DDX25: variants seen among roughly 807,000 people sequenced by gnomAD.
DDX25 encodes ATP-dependent RNA helicase DDX25.
DDX25 carries 70 observed loss-of-function variants against 64.6 expected under a neutral mutation model. The observed-to-expected ratio is 1.08, with a 90% CI of 0.89 to 1.32. DDX25 has a LOEUF of 1.32. Ranked by LOEUF, DDX25 falls within the 40% of genes most tolerant of loss-of-function variation. The pLI, the probability that DDX25 is intolerant of heterozygous loss-of-function variation, is 0.00. For synonymous variants in DDX25, 211 were observed against 213.3 expected, an observed-to-expected ratio of 0.99 and a Z score of 0.09; for missense variants, 587 against 604.4, an observed-to-expected ratio of 0.97 and a Z score of 0.30.
Position 125,921,457 on chromosome 11 carries a change from T to C in DDX25, c.1390+78T>C. 1 of 1,497,570 alleles carries C rather than the reference T, an allele frequency of 6.7e-7. No homozygotes were observed. Among genetic ancestry groups the C allele is most frequent in the Non-Finnish European group, 9.0e-7 (1 of 1,115,064 alleles). The allele number at this position is 1,497,570 out of a possible 1,614,324, so 92.8% of individuals were successfully genotyped here. On this transcript the variant is annotated intron_variant, in intron 11 of 11. Coordinates refer to ENST00000263576, the MANE Select transcript of DDX25 (RefSeq NM_013264.5). The surrounding 1 kb of genome is among the most constrained non-coding windows in gnomAD (Gnocchi z 4.1). ...GATGATGTGTGCTGGAGAGCTGGAG[T>C]CCAGGGGCTCATGAGAGTAGTAGAA...
In DDX25 at chr11:125,924,120, C is replaced by T. The variant is rs1438273629; in HGVS notation, c.*1239C>T. ...TCTCTACTAAAAATATAAAAATTAG[C>T]TGGGCGTGGTGGTACGCGTGCCTGT... On this transcript the variant is annotated 3_prime_UTR_variant, in exon 12 of 12. Transcript: ENST00000263576. 3 of 151,926 alleles carry T rather than the reference C, an allele frequency of 2.0e-5. No homozygotes were observed. Among genetic ancestry groups the T allele is most frequent in the South Asian group, 4.1e-4 (2 of 4,826 alleles). The allele number at this position is 151,926 out of a possible 1,614,324, so 9.4% of individuals were successfully genotyped here. A position where few individuals can be genotyped will look rare whatever the true frequency, so the allele number is the denominator to read the frequency against.
rs1170304803 is a variant in DDX25 at position 125,926,476 on chromosome 11, G to A, written c.*3595G>A. On this transcript the variant is annotated 3_prime_UTR_variant, in exon 12 of 12. Transcript: ENST00000263576. ...TTTTTGCCCTAGAAAGCATCCAAGA[G>A]GCACTCAACCCCAACATTTTCTATA... 3.3e-5 allele frequency: 5 copies of A among 152,038 alleles called. No homozygotes were observed. The highest frequency in any genetic ancestry group is 2.6e-4 in the Admixed American group (4 of 15,278). The allele number at this position is 152,038 out of a possible 1,614,324, so 9.4% of individuals were successfully genotyped here. A position where few individuals can be genotyped will look rare whatever the true frequency, so the allele number is the denominator to read the frequency against.
rs181093713 is a variant in DDX25, at chr11:125,905,121, C to G, written c.64-91C>G. 6.2e-4 allele frequency: 764 copies of G among 1,222,596 alleles called. 1 individual carries two copies. Among genetic ancestry groups the G allele is most frequent in the South Asian group, 1.1e-3 (83 of 75,650 alleles). The allele number at this position is 1,222,596 out of a possible 1,614,324, so 75.7% of individuals were successfully genotyped here. The stretch of plus-strand genomic sequence containing the variant: ...GGAAGCAATACCCGGGTGTCCTTCC[C>G]TGAATCCCTCCCAGCCCCTGTGGTA... On this transcript the variant is annotated intron_variant, in intron 1 of 11. Coordinates refer to ENST00000263576, the MANE Select transcript of DDX25 (RefSeq NM_013264.5).
Position 125,910,475 on chromosome 11 carries a change from C to T in DDX25, c.619C>T (p.Arg207Ter), listed in dbSNP as rs755702115. Residue 207 changes from arginine (R) to a stop codon, truncating the protein, a stop_gained, in exon 7 of 12, where the codon CGA becomes TGA. Transcript: ENST00000263576. LOFTEE classifies it high-confidence loss of function. ...VQVMYAIRGN[R>*]IPRGTDITKQ... ...AGTGATGTATGCCATTCGAGGGAAT[C>T]GAAGTATGTACCAGTAAGCCAGTCC... 6 of 1,613,608 alleles carry T rather than the reference C, an allele frequency of 3.7e-6. 1 individual carries two copies. The Admixed American group carries it at 5.0e-5, about 13-fold the overall frequency.
At chr11:125,904,414 GA>G (rs1944845084), upstream of DDX25, 5 of 1,147,922 alleles carry the variant, frequency 4.4e-6, no homozygotes, top group Non-Finnish European at 5.6e-6. Context: ...CGCGGACGCG[GA>G]CGCCTGCCCC....
At position 125,908,248 on chromosome 11, in the gene DDX25, A is replaced by C; in HGVS notation, c.364A>C (p.Lys122Gln). Residue 122 changes from lysine (K) to glutamine (Q), a missense_variant, in exon 5 of 12, where the codon AAA (lysine) becomes CAA (glutamine). Physicochemically the swap from Lys to Gln is moderately conservative, Grantham distance 53. Transcript: ENST00000263576. ...TGCAATGGGATTTAATAGGCCATCT[A>C]AAATCCAAGAGATGGCTCTCCCTAT... ...IYAMGFNRPS[K>Q]IQEMALPMML... 1 of 1,613,482 alleles carries C rather than the reference A, an allele frequency of 6.2e-7. No individual in the cohort carries two copies. Among genetic ancestry groups the C allele is most frequent in the Non-Finnish European group, 8.5e-7 (1 of 1,179,622 alleles).
Position 125,921,096 on chromosome 11 carries a change from C to G in DDX25, c.1202-95C>G. The stretch of plus-strand genomic sequence containing the variant: ...CCCTGGTTGGATTTCTAAATTTTCT[C>G]TATAAATAGGAATTCCCTTGGCAGA... On this transcript the variant is annotated intron_variant, in intron 10 of 11. Transcript: ENST00000263576. The surrounding 1 kb of genome is among the most constrained non-coding windows in gnomAD (Gnocchi z 4.1). The G allele has an allele frequency of 7.7e-7, 1 of 1,297,606 alleles. No homozygotes were observed. Among genetic ancestry groups the G allele is most frequent in the Non-Finnish European group, 1.0e-6 (1 of 971,442 alleles). 80.4% of individuals were successfully genotyped at this position (1,297,606 alleles called of 1,614,324 possible).
At chr11:125,918,889 A>G (rs1945076397) in intron 10 of DDX25, 99 bp downstream of exon 10, 5 of 1,330,438 alleles carry the variant, frequency 3.8e-6, no homozygotes, top group Admixed American at 5.1e-5. Context: ...ACATGCAATC[A>G]TGCAGCTATC....
rs1944872646 is a variant in DDX25 at position 125,905,590 on chromosome 11, A to T, written c.168A>T (p.Glu56Asp). ...SINNINEDDE[E>D]DVVDLAANSL... ...ATAACATCAATGAAGATGATGAAGA[A>T]GATGTAGGTAGGAGATGAATTCATT... is the stretch of plus-strand genomic sequence containing the variant. Residue 56 changes from glutamate to aspartate, a missense_variant, in exon 3 of 12, where the codon GAA (glutamate) becomes GAT (aspartate). Glu to Asp is a conservative substitution (Grantham distance 45, BLOSUM62 2). Coordinates refer to ENST00000263576, the MANE Select transcript of DDX25 (RefSeq NM_013264.5). 1.0e-5 allele frequency: 16 copies of T among 1,551,636 alleles called. No individual in the cohort carries two copies. The highest frequency in any genetic ancestry group is 4.9e-5 in the East Asian group (2 of 40,908).
At chr11:125,910,248 C>G in intron 6 of DDX25, 116 bp from the exon 7 acceptor site, 1 of 785,796 alleles carries the variant, frequency 1.3e-6, no homozygotes, top group South Asian at 1.7e-5. Context: ...TTTCATTCAA[C>G]CAAAACCTTC....
chr11:125,921,325 A>C lies in DDX25; in HGVS notation c.1336A>C (p.Asn446His). The C allele has an allele frequency of 6.2e-7, 1 of 1,613,924 alleles. No homozygotes were observed. Among genetic ancestry groups the C allele is most frequent in the Non-Finnish European group, 8.5e-7 (1 of 1,179,872 alleles). Residue 446 changes from asparagine (N) to histidine (H), a missense_variant, in exon 11 of 12, where the codon AAC (asparagine) becomes CAC (histidine). Physicochemically the swap from Asn to His is moderately conservative, Grantham distance 68. Transcript: ENST00000263576. This position sits in a 1 kb window ranked among gnomAD's most constrained non-coding sequence, Gnocchi z 4.1. Reference protein sequence around the residue: ...GRFGKKGLAFNMIEVDELPSL... With the variant: ...GRFGKKGLAFHMIEVDELPSL... ...CTTTGGGAAAAAAGGCCTTGCCTTC[A>C]ACATGATTGAAGTAGATGAGCTGCC...
intron 10 of DDX25, chr11:125,920,921 C>CAT (rs1945103846): frequency 1.5e-5 from 1 of 67,238 alleles, no homozygotes; most frequent in Non-Finnish European, 3.4e-5. Context: ...CACACACATA[C>CAT]ACACACACAC....
Position 125,906,823 on chromosome 11 carries a change from CA to C in DDX25, c.311+631del, listed in dbSNP as rs548482997. 1.0e-3 allele frequency among the ~76,000 whole-genome samples: 117 copies of C among 111,944 alleles called. 1 individual carries two copies. Among genetic ancestry groups the C allele is most frequent in the South Asian group, 8.9e-3 (28 of 3,134 alleles). The allele number at this position is 111,944 out of a possible 152,430, so 73.4% of individuals were successfully genotyped here. A position where few individuals can be genotyped will look rare whatever the true frequency, so the allele number is the denominator to read the frequency against. On this transcript the variant is annotated intron_variant, in intron 4 of 11. Transcript: ENST00000263576. ...TGGGTGACAGAGTGAGACTCCGTCT[CA>C]AAAAAAAAAAAAAAAAGGATATTCT...
intron 7 of DDX25, among the ~76,000 whole-genome samples, chr11:125,910,697 C>T (rs1327962319): frequency 6.6e-6 from 1 of 152,188 alleles, no homozygotes; most frequent in Non-Finnish European, 1.5e-5. Context: ...ACATCATTTC[C>T]ACATCCTGCA....
intron 3 of DDX25, 54 bp from the exon 4 acceptor site, chr11:125,906,020 A>C: frequency 6.7e-7 from 1 of 1,500,590 alleles, no homozygotes; most frequent in Non-Finnish European, 8.9e-7. Context: ...AGAGCAACTT[A>C]TTTGATGTCA....
At chr11:125,910,183 T>A (rs1278470438) in intron 6 of DDX25, among the ~76,000 whole-genome samples, 181 bp from the exon 7 acceptor site, 1 of 152,204 alleles carries the variant, frequency 6.6e-6, no homozygotes. Context: ...CCCCTTCTCA[T>A]ACTCAACATT....
chr11:125,904,760 C>G, intron 1 of DDX25, 180 bp downstream of exon 1: 1 of 760,866 alleles, frequency 1.3e-6, no homozygotes, highest in South Asian at 1.6e-5. Context: ...TCCCCACCCC[C>G]ACGAGAGGCA....
intron 8 of DDX25, among the ~76,000 whole-genome samples, chr11:125,914,316 A>T (rs1045067426): frequency 4.6e-5 from 7 of 152,058 alleles, no homozygotes; most frequent in African/African-American, 1.2e-4. Flanking sequence ...GGTCTTTAGG[A>T]CTATGTAATG....
chr11:125,905,109 G>A (rs1468829111), intron 1 of DDX25, 103 bp from the exon 2 acceptor site: 2 of 1,030,018 alleles, frequency 1.9e-6, no homozygotes, highest in Non-Finnish European at 2.9e-6. Flanking sequence ...AGCAATACCC[G>A]GGTGTCCTTC....
Sources: allele counts gnomAD v4.1 joint callset (sites outside exome capture counted in the v4.1 genomes callset), GRCh38; gene constraint gnomAD v4.1.1; non-coding constraint Gnocchi (gnomAD v3.1); transcripts MANE v1.5; gene names NCBI Gene and HGNC (gene_info 2026-07-23, HGNC 2026-07-21).